Variants in WNT7A observed in about 807,000 individuals in gnomAD.
WNT7A encodes protein Wnt-7a.
WNT7A carries 16 observed loss-of-function variants against 28.2 expected under a neutral mutation model. That is an observed-to-expected ratio of 0.57 (90% CI 0.38 to 0.86). WNT7A has a LOEUF of 0.86. Ranked by LOEUF, WNT7A falls within the 40% of genes least tolerant of loss-of-function variation. The pLI is 0.00. For synonymous variants in WNT7A, 190 were observed against 195.9 expected, an observed-to-expected ratio of 0.97 and a Z score of 0.25; for missense variants, 411 against 489.7, an observed-to-expected ratio of 0.84 and a Z score of 1.52.
intron 3 of WNT7A, among the ~76,000 whole-genome samples, chr3:13,851,982 G>T (rs1694645424): frequency 6.6e-6 from 1 of 152,200 alleles, no homozygotes; most frequent in Non-Finnish European, 1.5e-5. Context: ...CACAATTGAC[G>T]AGACAATGAG....
intron 3 of WNT7A, among the ~76,000 whole-genome samples, chr3:13,824,853 G>A (rs1694167846): frequency 6.6e-6 from 1 of 152,208 alleles, no homozygotes; most frequent in Non-Finnish European, 1.5e-5. Context: ...GACCTTATCT[G>A]AAATATCCAA....
chr3:13,846,509 C>G (rs1409049036), intron 3 of WNT7A, among the ~76,000 whole-genome samples: 1 of 152,154 alleles, frequency 6.6e-6, no homozygotes, highest in Non-Finnish European at 1.5e-5. Context: ...ACGGAGAGAA[C>G]AGGGAATGTT....
chr3:13,875,431 T>A (rs1355359498), intron 1 of WNT7A, among the ~76,000 whole-genome samples: 1 of 152,196 alleles, frequency 6.6e-6, no homozygotes, highest in African/African-American at 2.4e-5. Flanking sequence ...CAAAAAAAGA[T>A]GATGTATGTC....
At chr3:13,825,533 T>TG (rs1694179787) in intron 3 of WNT7A, among the ~76,000 whole-genome samples, 2 of 152,252 alleles carry the variant, frequency 1.3e-5, no homozygotes, top group Non-Finnish European at 1.5e-5. Context: ...GTTCCCACCA[T>TG]GGCTGACTTT....
chr3:13,846,126 C>G (rs73817648), intron 3 of WNT7A, among the ~76,000 whole-genome samples: 2,056 of 152,350 alleles, frequency 0.013, 47 homozygotes, highest in African/African-American at 0.046. Flanking sequence ...GGTGGTGGCT[C>G]AAGGACTGCC....
chr3:13,874,442 A>T (rs1413388072), intron 2 of WNT7A, among the ~76,000 whole-genome samples: 3 of 152,214 alleles, frequency 2.0e-5, no homozygotes, highest in Non-Finnish European at 4.4e-5. Flanking sequence ...CAAGCGGATC[A>T]TGTCACAGGA....
intron 3 of WNT7A, among the ~76,000 whole-genome samples, chr3:13,839,097 C>A (rs765949439): frequency 6.6e-6 from 1 of 152,142 alleles, no homozygotes; most frequent in African/African-American, 2.4e-5. Context: ...TTTGATGTAG[C>A]AACTAGCAAA....
intron 3 of WNT7A, among the ~76,000 whole-genome samples, chr3:13,824,731 T>C (rs1234486598): frequency 6.6e-6 from 1 of 152,200 alleles, no homozygotes; most frequent in Non-Finnish European, 1.5e-5. Context: ...GTTCCTTATC[T>C]GGAAGGCCAA....
intron 3 of WNT7A, among the ~76,000 whole-genome samples, chr3:13,833,934 C>T (rs143641655): frequency 2.3e-4 from 35 of 152,270 alleles, no homozygotes; most frequent in African/African-American, 4.1e-4. Flanking sequence ...GCCAGGTGGG[C>T]AGAAAGAGGC....
chr3:13,868,422 C>A (rs562322556), intron 2 of WNT7A, among the ~76,000 whole-genome samples: 1 of 150,206 alleles, frequency 6.7e-6, no homozygotes, highest in Non-Finnish European at 1.5e-5. Flanking sequence ...CTGCAGTGAG[C>A]TATATTTGCA....
chr3:13,867,260 C>T (rs927964846), intron 2 of WNT7A, among the ~76,000 whole-genome samples: 17 of 152,244 alleles, frequency 1.1e-4, no homozygotes, highest in Middle Eastern at 3.4e-3. Flanking sequence ...AAGGGTGGGG[C>T]TGGGATGCAA....
chr3:13,854,857 G>C (rs1030950593), intron 2 of WNT7A, 54 bp from the exon 3 acceptor site: 6 of 1,605,380 alleles, frequency 3.7e-6, no homozygotes, highest in Non-Finnish European at 4.2e-6. Context: ...AAGCATCTGA[G>C]AGGAGGCTGG....
chr3:13,823,132 G>T (rs1016394170), intron 3 of WNT7A, among the ~76,000 whole-genome samples: 3 of 152,216 alleles, frequency 2.0e-5, no homozygotes, highest in Admixed American at 2.0e-4. Context: ...TGGGCACCCA[G>T]CCCTCTCCCC....
At chr3:13,831,431 A>G (rs776264439) in intron 3 of WNT7A, among the ~76,000 whole-genome samples, 7 of 152,202 alleles carry the variant, frequency 4.6e-5, no homozygotes, top group Non-Finnish European at 8.8e-5. Flanking sequence ...GAGTCCAGCA[A>G]TCTGGCTGTA....
At chr3:13,837,538 GTGAATGAATGAA>G (rs59047870) in intron 3 of WNT7A, among the ~76,000 whole-genome samples, 4 of 149,780 alleles carry the variant, frequency 2.7e-5, no homozygotes, top group Admixed American at 6.6e-5. Context: ...TTCTGGGTGA[GTGAATGAATGAA>G]TGAATGAATG....
chr3:13,829,278 A>G (rs1196698707), intron 3 of WNT7A, among the ~76,000 whole-genome samples: 2 of 152,252 alleles, frequency 1.3e-5, no homozygotes, highest in African/African-American at 4.8e-5. Flanking sequence ...GCAGGAAAAA[A>G]ACAAACTCCT....
chr3:13,859,938 T>C (rs1050808515), intron 2 of WNT7A, among the ~76,000 whole-genome samples: 55 of 152,242 alleles, frequency 3.6e-4, no homozygotes, highest in African/African-American at 1.3e-3. Context: ...TCCAAGAGGA[T>C]CTAACCAGGC....
At chr3:13,865,849 T>G (rs1006374219) in intron 2 of WNT7A, among the ~76,000 whole-genome samples, 1 of 152,028 alleles carries the variant, frequency 6.6e-6, no homozygotes, top group African/African-American at 2.4e-5. Flanking sequence ...CTGGGCCCCA[T>G]GGAGCCTCAT....
chr3:13,846,046 C>T (rs1157085761), intron 3 of WNT7A, among the ~76,000 whole-genome samples: 1 of 152,204 alleles, frequency 6.6e-6, no homozygotes, highest in Admixed American at 6.5e-5. Context: ...CAAGGTGGCA[C>T]ACAGAATCCC....
Sources: gnomAD v4.1 joint callset for allele counts (sites outside exome capture counted in the v4.1 genomes callset) on GRCh38, gnomAD v4.1.1 for gene constraint, MANE v1.5 for transcripts, NCBI Gene and HGNC (gene_info 2026-07-23, HGNC 2026-07-21) for gene names.